The following PPARGC1A variants were observed in gnomAD, a reference collection of about 807,000 sequenced individuals.
PPARGC1A encodes the protein peroxisome proliferator-activated receptor gamma coactivator 1-alpha.
A neutral mutation model predicts 88.7 loss-of-function variants in PPARGC1A; 25 were observed. That is an observed-to-expected ratio of 0.28 (90% CI 0.21 to 0.39). The LOEUF is 0.39. Among genes scored for constraint, PPARGC1A ranks in the 10% least tolerant of loss-of-function variants. The pLI, the probability that PPARGC1A is intolerant of heterozygous loss-of-function variation, is 1.00. For missense variants in PPARGC1A, 880 were observed against 968.7 expected (o/e 0.91, Z 1.22); for synonymous variants, 363 against 355.6 (o/e 1.02, Z -0.24).
chr4:24,067,950 G>A, the PPARGC1A span, among the ~76,000 whole-genome samples: 1 of 152,170 alleles, frequency 6.6e-6, no homozygotes, highest in Admixed American at 6.5e-5. Context: ...TCCCCCAGAG[G>A]GGCCAGGGCA....
intron 10 of PPARGC1A, among the ~76,000 whole-genome samples, chr4:23,809,061 T>G (rs968709983): frequency 1.3e-5 from 2 of 152,172 alleles, no homozygotes; most frequent in African/African-American, 4.8e-5. Context: ...TAAATGTAAT[T>G]TGCTTCTTAC....
chr4:24,029,509 T>A, the PPARGC1A span, among the ~76,000 whole-genome samples: 1 of 152,128 alleles, frequency 6.6e-6, no homozygotes, highest in African/African-American at 2.4e-5. Flanking sequence ...GCTCTGTGAT[T>A]TGGGGTGTGG....
chr4:23,842,512 C>T (rs1727231601), intron 2 of PPARGC1A, among the ~76,000 whole-genome samples: 1 of 152,088 alleles, frequency 6.6e-6, no homozygotes, highest in Non-Finnish European at 1.5e-5. Flanking sequence ...TCACAGACCA[C>T]TGAATCAAAA....
the PPARGC1A span, among the ~76,000 whole-genome samples, chr4:24,000,513 C>T: frequency 6.6e-6 from 1 of 151,406 alleles, no homozygotes; most frequent in Admixed American, 6.6e-5. Flanking sequence ...GCAGCAGGTG[C>T]TTTTTTTTAA....
chr4:23,914,810 A>G, the PPARGC1A span, among the ~76,000 whole-genome samples: 126 of 152,330 alleles, frequency 8.3e-4, no homozygotes, highest in Admixed American at 1.6e-3. Flanking sequence ...GACACAAACA[A>G]AAAGCATTGT....
At chr4:23,925,236 G>A in the PPARGC1A span, among the ~76,000 whole-genome samples, 5 of 152,182 alleles carry the variant, frequency 3.3e-5, no homozygotes, top group Non-Finnish European at 7.3e-5. Flanking sequence ...CCAATGAGCT[G>A]TCATTATCAA....
chr4:24,406,787 T>C, the PPARGC1A span, among the ~76,000 whole-genome samples: 1 of 152,102 alleles, frequency 6.6e-6, no homozygotes, highest in African/African-American at 2.4e-5. Flanking sequence ...CCTAATGAGA[T>C]TGACAAGCAG....
the PPARGC1A span, among the ~76,000 whole-genome samples, chr4:24,427,956 A>AT: frequency 6.6e-6 from 1 of 151,808 alleles, no homozygotes; most frequent in Non-Finnish European, 1.5e-5. Flanking sequence ...ATAAAAAAAA[A>AT]TTTTTTTAAT....
At chr4:24,177,963 C>A in the PPARGC1A span, among the ~76,000 whole-genome samples, 15 of 152,308 alleles carry the variant, frequency 9.8e-5, no homozygotes, top group East Asian at 2.9e-3. Flanking sequence ...TGTAAGGGAA[C>A]TGGATTCTCC....
the PPARGC1A span, among the ~76,000 whole-genome samples, chr4:24,060,739 G>A: frequency 6.6e-6 from 1 of 152,174 alleles, no homozygotes; most frequent in African/African-American, 2.4e-5. Flanking sequence ...CTAGGTGAAA[G>A]GGAAGTGCTT....
the PPARGC1A span, among the ~76,000 whole-genome samples, chr4:24,347,413 A>G: frequency 6.6e-6 from 1 of 152,124 alleles, no homozygotes; most frequent in African/African-American, 2.4e-5. Flanking sequence ...TCTATTAGTA[A>G]TTGTTTTATA....
At chr4:24,215,879 C>T in the PPARGC1A span, among the ~76,000 whole-genome samples, 1 of 152,180 alleles carries the variant, frequency 6.6e-6, no homozygotes, top group Middle Eastern at 3.4e-3. Context: ...GAGGGCAAAC[C>T]CTATTTCTTA....
chr4:24,246,369 A>G, the PPARGC1A span, among the ~76,000 whole-genome samples: 2 of 152,162 alleles, frequency 1.3e-5, no homozygotes, highest in African/African-American at 4.8e-5. Context: ...AACACCTACA[A>G]TCCCAGCACT....
chr4:24,470,829 T>C, the PPARGC1A span, among the ~76,000 whole-genome samples: 1 of 151,442 alleles, frequency 6.6e-6, no homozygotes, highest in Admixed American at 6.6e-5. The surrounding 1 kb of genome is among the most constrained non-coding windows in gnomAD (Gnocchi z 5.8). Context: ...TATTATTCAC[T>C]CGGATGGCCG....
At chr4:24,206,657 C>G in the PPARGC1A span, among the ~76,000 whole-genome samples, 1 of 151,900 alleles carries the variant, frequency 6.6e-6, no homozygotes, top group Non-Finnish European at 1.5e-5. Context: ...CATGGTGAAA[C>G]TCCACCTCTA....
At chr4:24,285,103 G>A in the PPARGC1A span, among the ~76,000 whole-genome samples, 5 of 152,160 alleles carry the variant, frequency 3.3e-5, no homozygotes, top group Admixed American at 2.0e-4. Context: ...AGGGTTGTAT[G>A]CAGCCCTTTT....
the PPARGC1A span, among the ~76,000 whole-genome samples, chr4:24,282,728 G>A: frequency 6.6e-6 from 1 of 152,168 alleles, no homozygotes; most frequent in East Asian, 1.9e-4. Flanking sequence ...AGTCAGTGAG[G>A]TCTCCCTCAG....
the PPARGC1A span, among the ~76,000 whole-genome samples, chr4:24,014,134 G>C: frequency 6.6e-6 from 1 of 152,154 alleles, no homozygotes; most frequent in Non-Finnish European, 1.5e-5. Context: ...AAATACTTTT[G>C]TCATGAAAAG....
chr4:24,344,787 G>A, the PPARGC1A span, among the ~76,000 whole-genome samples: 1 of 151,920 alleles, frequency 6.6e-6, no homozygotes, highest in Non-Finnish European at 1.5e-5. Context: ...CTTTGTTTTT[G>A]TTGCATTTGC....
Sources: allele counts gnomAD v4.1 joint callset (sites outside exome capture counted in the v4.1 genomes callset), GRCh38; gene constraint gnomAD v4.1.1; non-coding constraint Gnocchi (gnomAD v3.1); transcripts MANE v1.5; gene names NCBI Gene and HGNC (gene_info 2026-07-23, HGNC 2026-07-21).